The following RFTN2 variants were observed in gnomAD, a reference collection of about 807,000 sequenced individuals.
RFTN2 encodes the protein raftlin-2.
Under a neutral mutation model 52.7 loss-of-function variants are expected in RFTN2, and 34 were observed. The ratio of observed to expected loss-of-function variants is 0.64; its 90% CI spans 0.49 to 0.86. RFTN2 has a LOEUF of 0.86. RFTN2 is among the 40% of genes least tolerant of loss of function. The pLI, the probability that RFTN2 is intolerant of heterozygous loss-of-function variation, is 0.00. For missense variants in RFTN2, 536 were observed against 600.1 expected (o/e 0.89, Z 1.12); for synonymous variants, 203 against 217.7 (o/e 0.93, Z 0.59).
At position 197,666,624 on chromosome 2, in the gene RFTN2, T is replaced by G. The variant is rs371748522; in HGVS notation, c.139+8696A>C. Reference sequence around the variant, plus strand: ...AGTATAATGTGCTCTGGAGAAGATCTTTTTGCATTGTATGTGTTTGGGGAT... The same window carrying G: ...AGTATAATGTGCTCTGGAGAAGATCGTTTTGCATTGTATGTGTTTGGGGAT... On this transcript the variant is annotated intron_variant, in intron 1 of 8. Transcript: ENST00000295049. Among the ~76,000 whole-genome samples, 27 of 152,338 alleles carry G rather than the reference T, an allele frequency of 1.8e-4. No individual in the cohort carries two copies. The East Asian group carries it at 5.2e-3, about 29-fold the overall frequency.
intron 1 of RFTN2, among the ~76,000 whole-genome samples, chr2:197,660,277 T>C (rs1202678528): frequency 1.3e-5 from 2 of 152,098 alleles, no homozygotes; most frequent in South Asian, 4.1e-4. Context: ...AATGTATGGA[T>C]ATTAGAAGGA....
At chr2:197,627,088 G>A (rs1215204395) in intron 5 of RFTN2, among the ~76,000 whole-genome samples, 1 of 152,140 alleles carries the variant, frequency 6.6e-6, no homozygotes, top group Non-Finnish European at 1.5e-5. Flanking sequence ...CTCTTCCATT[G>A]TGTCCAGAGC....
At chr2:197,630,111 G>A (rs1285196214) in intron 5 of RFTN2, among the ~76,000 whole-genome samples, 3 of 152,232 alleles carry the variant, frequency 2.0e-5, no homozygotes, top group South Asian at 4.1e-4. Context: ...GCTCCAATTC[G>A]TTTGGTCCTT....
chr2:197,613,929 C>T (rs1242861881), intron 7 of RFTN2, among the ~76,000 whole-genome samples: 1 of 152,196 alleles, frequency 6.6e-6, no homozygotes, highest in African/African-American at 2.4e-5. Context: ...TAGCATCTTC[C>T]TAAATGGAAA....
intron 4 of RFTN2, among the ~76,000 whole-genome samples, chr2:197,633,255 C>T (rs1212415498): frequency 6.6e-6 from 1 of 152,140 alleles, no homozygotes. Context: ...TTATGATGTG[C>T]CAGTTTCACA....
intron 8 of RFTN2, among the ~76,000 whole-genome samples, chr2:197,575,834 ATAT>A (rs1270198118): frequency 8.8e-5 from 3 of 33,960 alleles, no homozygotes; most frequent in Non-Finnish European, 1.5e-4. Flanking sequence ...TATATATAAT[ATAT>A]TATATATATT....
chr2:197,569,645 A>T lies in RFTN2; in HGVS notation c.*2363T>A, dbSNP rs1385392863. On this transcript the variant is annotated 3_prime_UTR_variant, in exon 9 of 9. Coordinates refer to ENST00000295049, the MANE Select transcript of RFTN2 (RefSeq NM_144629.3). ...GAAAGTATGCTTACACAAATTTTTT[A>T]AAAAAGCGATTGCTTGGCTGGGTGC... 2 of 152,172 alleles carry T rather than the reference A, an allele frequency of 1.3e-5. No homozygotes were observed. Among genetic ancestry groups the T allele is most frequent in the African/African-American group, 2.4e-5 (1 of 41,436 alleles). The allele number at this position is 152,172 out of a possible 1,614,324, so 9.4% of individuals were successfully genotyped here.
intron 7 of RFTN2, among the ~76,000 whole-genome samples, chr2:197,614,019 CTCT>C (rs1197387370): frequency 1.3e-5 from 2 of 152,162 alleles, no homozygotes; most frequent in East Asian, 3.8e-4. Context: ...TTTAAAATGT[CTCT>C]TCTTTTTAAT....
At chr2:197,598,551 G>A (rs1470106064) in intron 7 of RFTN2, among the ~76,000 whole-genome samples, 1 of 152,168 alleles carries the variant, frequency 6.6e-6, no homozygotes. Flanking sequence ...AGACCTTACA[G>A]GGAGTTCTTT....
At position 197,616,899 on chromosome 2, in the gene RFTN2, GTATCCCTGAAACA is replaced by G. The variant is rs2088154317; in HGVS notation, c.1050+888_1050+900del. Among the ~76,000 whole-genome samples the G allele has an allele frequency of 5.9e-5, 9 of 152,288 alleles. No individual in the cohort carries two copies. In the South Asian group the frequency reaches 1.9e-3, roughly 32 times the overall value. On this transcript the variant is annotated intron_variant, in intron 6 of 8. Coordinates refer to ENST00000295049, the MANE Select transcript of RFTN2 (RefSeq NM_144629.3). ...CCTGTGTAAGGTCAGAAAGGTAAAA[GTATCCCTGAAACA>G]GCCTGTCAGGGAGGGCCTCAAACAC...
intron 5 of RFTN2, 27 bp from the exon 6 acceptor site, chr2:197,617,948 A>T: frequency 6.4e-7 from 1 of 1,568,730 alleles, no homozygotes; most frequent in East Asian, 2.4e-5. Flanking sequence ...ACAATTAAGA[A>T]GGGTTGTAAA....
rs780538049 is a variant in RFTN2 at position 197,617,867 on chromosome 2, G to C, written c.983C>G (p.Ser328Cys). ...EGFFIYEEEG[S>C]GVPGSSRKGN... ...TTTCCTACTAGAACCTGGAACTCCA[G>C]AACCTTCTTCTTCATAGATAAAAAA... Residue 328 changes from serine (S) to cysteine (C), a missense_variant, in exon 6 of 9, where the codon TCT becomes TGT. Coordinates refer to ENST00000295049, the MANE Select transcript of RFTN2 (RefSeq NM_144629.3). The C allele has an allele frequency of 2.5e-6, 4 of 1,609,064 alleles. No individual in the cohort carries two copies. The South Asian group carries it at 4.4e-5, about 18-fold the overall frequency.
intron 1 of RFTN2, among the ~76,000 whole-genome samples, chr2:197,659,551 C>T (rs2088946306): frequency 6.6e-6 from 1 of 151,068 alleles, no homozygotes; most frequent in Non-Finnish European, 1.5e-5. Context: ...GGTGTGGTGG[C>T]TCATGCCTGT....
At chr2:197,634,352 C>T (rs1008137478) in intron 3 of RFTN2, among the ~76,000 whole-genome samples, 5 of 152,096 alleles carry the variant, frequency 3.3e-5, no homozygotes, top group African/African-American at 1.2e-4. Flanking sequence ...AAAACCTATT[C>T]CAAGAAATTC....
In RFTN2 at chr2:197,615,865, T is replaced by G; in HGVS notation, c.1154+11A>C. The G allele has an allele frequency of 7.0e-7, 1 of 1,418,534 alleles. No individual in the cohort carries two copies. Among genetic ancestry groups the G allele is most frequent in the South Asian group, 1.2e-5 (1 of 80,758 alleles). The allele number at this position is 1,418,534 out of a possible 1,614,324, so 87.9% of individuals were successfully genotyped here. A position where few individuals can be genotyped will look rare whatever the true frequency, so the allele number is the denominator to read the frequency against. On this transcript the variant is annotated intron_variant, in intron 7 of 8. Coordinates refer to ENST00000295049, the MANE Select transcript of RFTN2 (RefSeq NM_144629.3). ...ATTAAATGATAGTATGTAAGGATAC[T>G]TTTGCCTTACCTGTCATGTCTCAAT...
intron 4 of RFTN2, among the ~76,000 whole-genome samples, chr2:197,632,445 C>G (rs2088482594): frequency 6.6e-6 from 1 of 152,170 alleles, no homozygotes; most frequent in Admixed American, 6.5e-5. Flanking sequence ...TCTCTCCTGC[C>G]ACCATGTGAA....
chr2:197,608,323 T>C (rs1217217440), intron 7 of RFTN2, among the ~76,000 whole-genome samples: 1 of 151,364 alleles, frequency 6.6e-6, no homozygotes, highest in African/African-American at 2.4e-5. Flanking sequence ...TTTTTTTTTT[T>C]TTTTTTGAGA....
chr2:197,591,248 T>C (rs543144600), intron 8 of RFTN2, among the ~76,000 whole-genome samples: 1 of 152,142 alleles, frequency 6.6e-6, no homozygotes, highest in Non-Finnish European at 1.5e-5. Flanking sequence ...AGATATAGAG[T>C]GCCGATTGGT....
intron 8 of RFTN2, chr2:197,588,081 C>A: frequency 2.2e-6 from 1 of 456,692 alleles, no homozygotes. Context: ...ATAAAAATTT[C>A]ATTCAATCAT....
Sources: gnomAD v4.1 joint callset for allele counts (sites outside exome capture counted in the v4.1 genomes callset) on GRCh38, gnomAD v4.1.1 for gene constraint, MANE v1.5 for transcripts, NCBI Gene and HGNC (gene_info 2026-07-23, HGNC 2026-07-21) for gene names.